Variants in FNDC3A observed in about 807,000 individuals in gnomAD.
FNDC3A encodes fibronectin type III domain containing 3A, also known as fibronectin type-III domain-containing protein 3A.
In FNDC3A, 32 loss-of-function variants were observed where a neutral mutation model predicts 148.9. The observed-to-expected ratio is 0.21, with a 90% CI of 0.16 to 0.29. The LOEUF is 0.29. FNDC3A is among the 10% of genes least tolerant of loss of function. The probability of loss-of-function intolerance (pLI) is 1.00; values close to 1 mark genes in which losing one functional copy is unlikely to be tolerated. For missense variants in FNDC3A, 1,191 were observed against 1,452.8 expected (o/e 0.82, Z 2.93); for synonymous variants, 472 against 473.6 (o/e 1.00, Z 0.04).
At chr13:49,187,099 T>C in intron 15 of FNDC3A, 23 bp from the exon 16 acceptor site, 1 of 1,580,038 alleles carries the variant, frequency 6.3e-7, no homozygotes, top group Non-Finnish European at 8.7e-7. Context: ...CCTTGCCTAA[T>C]ACTACTTTGC....
intron 1 of FNDC3A, among the ~76,000 whole-genome samples, chr13:48,986,385 G>GT (rs869031197): frequency 0.35 from 19,112 of 53,916 alleles, 8,059 homozygotes; most frequent in Admixed American, 0.41. Flanking sequence ...GAAGGAAGTT[G>GT]TTTTTTTTTT....
In FNDC3A at chr13:48,986,587, G is replaced by A. The variant is rs1164715473; in HGVS notation, c.-40+10410G>A. On this transcript the variant is annotated intron_variant, in intron 1 of 25. Transcript: ENST00000492622. ...ATTTTTTGTATTTTTTAGTGGAAAC[G>A]GGGTTTCACCATGTTGGTCAGACTG... 5.3e-4 allele frequency among the ~76,000 whole-genome samples: 80 copies of A among 151,730 alleles called. 2 individuals are homozygous for A. Among genetic ancestry groups the A allele is most frequent in the African/African-American group, 2.4e-5 (1 of 41,302 alleles).
At chr13:49,068,288 C>T (rs1023101519) in intron 2 of FNDC3A, among the ~76,000 whole-genome samples, 11 of 151,804 alleles carry the variant, frequency 7.2e-5, no homozygotes, top group Non-Finnish European at 1.3e-4. Flanking sequence ...AGATTGAGCC[C>T]GGGAGGTCAA....
chr13:49,099,529 G>A (rs1879734069), intron 3 of FNDC3A, among the ~76,000 whole-genome samples: 3 of 152,048 alleles, frequency 2.0e-5, no homozygotes, highest in Admixed American at 2.0e-4. Flanking sequence ...AAATAAATAT[G>A]AGGAAATTAA....
chr13:49,162,454 C>T (rs1423793469), intron 8 of FNDC3A, among the ~76,000 whole-genome samples: 1 of 152,124 alleles, frequency 6.6e-6, no homozygotes, highest in African/African-American at 2.4e-5. Flanking sequence ...GTTTTCAGCT[C>T]CATCAGATCA....
chr13:49,191,217 C>G lies in FNDC3A; in HGVS notation c.2059C>G (p.Leu687Val), dbSNP rs768194155. ...KEIQLRWGPP[L>V]VDGGSPISCY... ...ATCTTTCCATCTTTTAGGACCCCCT[C>G]TGGTTGATGGTGGATCACCCATTTC... is the stretch of plus-strand genomic sequence containing the variant. The change falls in exon 19 of 26, where the codon CTG becomes GTG. Residue 687 changes from leucine (L) to valine (V), a missense_variant. Leu to Val is a conservative substitution (Grantham distance 32). Coordinates refer to ENST00000492622, the MANE Select transcript of FNDC3A (RefSeq NM_001079673.2). 6.2e-7 allele frequency: 1 copy of G among 1,608,530 alleles called. No homozygotes were observed. The highest frequency in any genetic ancestry group is 1.3e-5 in the African/African-American group (1 of 74,692).
At chr13:49,191,524 G>GATAA in intron 19 of FNDC3A, 140 bp downstream of exon 19, 1 of 585,036 alleles carries the variant, frequency 1.7e-6, no homozygotes, top group Non-Finnish European at 2.9e-6. Context: ...AGCCTACATT[G>GATAA]ATAAATACAA....
chr13:49,062,364 C>T (rs968827471), intron 2 of FNDC3A, among the ~76,000 whole-genome samples: 1 of 152,068 alleles, frequency 6.6e-6, no homozygotes, highest in Non-Finnish European at 1.5e-5. Context: ...TGACCCTTTC[C>T]TGTTTAATAG....
At chr13:49,175,828 T>C (rs903946785) in intron 13 of FNDC3A, among the ~76,000 whole-genome samples, 1 of 152,202 alleles carries the variant, frequency 6.6e-6, no homozygotes, top group Non-Finnish European at 1.5e-5. Context: ...ATATTGGCTG[T>C]GGGTTTGTCA....
At chr13:49,182,877 A>G (rs566144618) in intron 14 of FNDC3A, among the ~76,000 whole-genome samples, 7 of 151,982 alleles carry the variant, frequency 4.6e-5, no homozygotes, top group Admixed American at 3.9e-4. Context: ...TCTTGCTTGG[A>G]TATACCATCT....
chr13:49,145,604 T>C (rs555358834), intron 7 of FNDC3A, among the ~76,000 whole-genome samples, 174 bp from the exon 8 acceptor site: 319 of 152,320 alleles, frequency 2.1e-3, no homozygotes, highest in South Asian at 0.018. Flanking sequence ...CCCATCTCAT[T>C]TGTTGTGGAA....
At chr13:49,176,842 C>T (rs1185002037) in intron 13 of FNDC3A, among the ~76,000 whole-genome samples, 2 of 152,044 alleles carry the variant, frequency 1.3e-5, no homozygotes, top group Non-Finnish European at 2.9e-5. Context: ...GCTCTGTAGC[C>T]CAGGCTGGAG....
chr13:49,109,123 C>T (rs1880386011), intron 3 of FNDC3A, among the ~76,000 whole-genome samples: 1 of 152,192 alleles, frequency 6.6e-6, no homozygotes, highest in African/African-American at 2.4e-5. Context: ...GCTCACTTCA[C>T]TTGTTAGGAT....
At chr13:49,049,507 A>G (rs987146920) in intron 2 of FNDC3A, among the ~76,000 whole-genome samples, 2 of 151,112 alleles carry the variant, frequency 1.3e-5, no homozygotes, top group African/African-American at 4.9e-5. Flanking sequence ...TGGTCTGTTC[A>G]GAGATTCTTC....
intron 14 of FNDC3A, among the ~76,000 whole-genome samples, chr13:49,179,119 T>G (rs1885177780): frequency 6.6e-6 from 1 of 152,222 alleles, no homozygotes; most frequent in African/African-American, 2.4e-5. Context: ...GCTTTTTTGT[T>G]TTACTTTGTT....
chr13:49,031,298 C>G, intron 2 of FNDC3A, among the ~76,000 whole-genome samples: 1 of 151,912 alleles, frequency 6.6e-6, no homozygotes, highest in Non-Finnish European at 1.5e-5. Flanking sequence ...AGGAGAATCG[C>G]TTGAACCCGG....
At chr13:48,993,945 GA>G (rs1348055832) in intron 1 of FNDC3A, among the ~76,000 whole-genome samples, 1 of 152,190 alleles carries the variant, frequency 6.6e-6, no homozygotes, top group African/African-American at 2.4e-5. Context: ...TATGAATAAA[GA>G]TATAGAAAAC....
At chr13:49,039,511 G>A (rs1421870715) in intron 2 of FNDC3A, among the ~76,000 whole-genome samples, 1 of 152,074 alleles carries the variant, frequency 6.6e-6, no homozygotes, top group Non-Finnish European at 1.5e-5. Context: ...TTTTATATAT[G>A]AACCTCTTAA....
intron 2 of FNDC3A, among the ~76,000 whole-genome samples, chr13:49,021,741 T>C (rs150627712): frequency 3.3e-5 from 5 of 152,320 alleles, no homozygotes; most frequent in African/African-American, 1.2e-4. Flanking sequence ...TTCTCACTGC[T>C]GTTATGGAGC....
Sources: allele counts gnomAD v4.1 joint callset (sites outside exome capture counted in the v4.1 genomes callset), GRCh38; gene constraint gnomAD v4.1.1; transcripts MANE v1.5; gene names NCBI Gene and HGNC (gene_info 2026-07-23, HGNC 2026-07-21).